The following TP63 variants were observed in gnomAD, a reference collection of about 807,000 sequenced individuals.
The protein encoded by TP63 is tumor protein 63.
In TP63, 17 loss-of-function variants were observed where a neutral mutation model predicts 82.8. The observed-to-expected ratio is 0.21, with a 90% confidence interval of 0.14 to 0.31. The LOEUF is 0.31. Ranked by LOEUF, TP63 falls within the 10% of genes least tolerant of loss-of-function variation. The probability of loss-of-function intolerance (pLI) is 1.00; values close to 1 mark genes in which losing one functional copy is unlikely to be tolerated. For missense variants in TP63, 648 were observed against 895.3 expected (o/e 0.72, Z 3.52); for synonymous variants, 330 against 321.7 (o/e 1.03, Z -0.28).
intron 4 of TP63, among the ~76,000 whole-genome samples, chr3:189,834,893 T>TTC (rs1245954117): frequency 6.6e-6 from 1 of 151,726 alleles, no homozygotes; most frequent in African/African-American, 2.4e-5. Context: ...TTTTCCTTTT[T>TTC]TTTTTTTTGT....
rs1727135900 is a variant in TP63 at position 189,808,257 on chromosome 3, TG to T, written c.325-12del. On this transcript the variant is annotated splice_polypyrimidine_tract_variant and intron_variant, in intron 3 of 13. Transcript: ENST00000264731. Reference sequence around the variant, plus strand: ...CTTCAGCGGCTAATATTGGGGTTTCTGGGTGTCCTTGCAGCCACAGTACACG... The same window carrying T: ...CTTCAGCGGCTAATATTGGGGTTTCTGGTGTCCTTGCAGCCACAGTACACG... 3 of 1,614,130 alleles carry T rather than the reference TG, an allele frequency of 1.9e-6. No homozygotes were observed. The highest frequency in any genetic ancestry group is 3.3e-5 in the Admixed American group (2 of 60,014).
At chr3:189,772,115 C>T (rs1037710926) in intron 3 of TP63, among the ~76,000 whole-genome samples, 2 of 152,142 alleles carry the variant, frequency 1.3e-5, no homozygotes, top group Non-Finnish European at 2.9e-5. Flanking sequence ...TGCTAATTTG[C>T]TTCTTGTCCC....
chr3:189,699,358 A>G (rs2108736615), intron 1 of TP63, among the ~76,000 whole-genome samples: 1 of 152,312 alleles, frequency 6.6e-6, no homozygotes, highest in African/African-American at 2.4e-5. Flanking sequence ...ACATTCTACA[A>G]GCTAGCATGA....
chr3:189,874,797 A>G (rs1463031404), intron 10 of TP63, among the ~76,000 whole-genome samples: 1 of 152,170 alleles, frequency 6.6e-6, no homozygotes, highest in Non-Finnish European at 1.5e-5. Context: ...AGAGACCTGT[A>G]ACATCATTTA....
intron 1 of TP63, among the ~76,000 whole-genome samples, chr3:189,691,338 C>CAAAAAAAAA (rs781098833): frequency 6.0e-5 from 4 of 67,104 alleles, no homozygotes; most frequent in African/African-American, 1.1e-4. Flanking sequence ...GACTCCATCT[C>CAAAAAAAAA]AAAAAAAAAA....
intron 13 of TP63, among the ~76,000 whole-genome samples, chr3:189,892,568 G>A (rs532115978): frequency 7.2e-5 from 11 of 152,142 alleles, no homozygotes; most frequent in East Asian, 5.8e-4. Flanking sequence ...CGAGGCAGGC[G>A]GATCACGAGG....
chr3:189,742,702 A>G (rs907627088), intron 3 of TP63, among the ~76,000 whole-genome samples: 1 of 152,238 alleles, frequency 6.6e-6, no homozygotes, highest in African/African-American at 2.4e-5. Flanking sequence ...AGCCATAACA[A>G]TTTTGCACCT....
chr3:189,876,893 A>T lies in TP63; in HGVS notation c.1349+3898A>T, dbSNP rs574187007. Among the ~76,000 whole-genome samples, 3 of 152,344 alleles carry T rather than the reference A, an allele frequency of 2.0e-5. No individual in the cohort carries two copies. The East Asian group carries it at 5.8e-4, about 29-fold the overall frequency. On this transcript the variant is annotated intron_variant, in intron 10 of 13. Coordinates refer to ENST00000264731, the MANE Select transcript of TP63 (RefSeq NM_003722.5). ...AGCCTGTGATTTTCTTTCCAAAAAG[A>T]TAGTACCAATTTTATGCTGGTAAGG...
rs1717499716 is a variant in TP63 at position 189,697,731 on chromosome 3, A to G, written c.63-40009A>G. Among the ~76,000 whole-genome samples the G allele has an allele frequency of 3.3e-5, 5 of 151,866 alleles. No homozygotes were observed. The South Asian group carries it at 8.3e-4, about 25-fold the overall frequency. ...TTTAGATCTTGCTTGAATTTTTGTC[A>G]GTTTTATACTTTTCTGCATATAGAT... is the stretch of plus-strand genomic sequence containing the variant. On this transcript the variant is annotated intron_variant, in intron 1 of 13. Transcript: ENST00000264731.
chr3:189,629,348 C>T (rs993262549), upstream of TP63, among the ~76,000 whole-genome samples: 1 of 152,126 alleles, frequency 6.6e-6, no homozygotes, highest in Non-Finnish European at 1.5e-5. Flanking sequence ...CGCGCTGCTA[C>T]ACTCAGTCTG....
the TP63 span, among the ~76,000 whole-genome samples, chr3:189,617,784 C>A: frequency 6.6e-6 from 1 of 152,190 alleles, no homozygotes; most frequent in Non-Finnish European, 1.5e-5. Flanking sequence ...GGCCAGGACA[C>A]AATGTGGGCA....
In TP63 at chr3:189,855,216, G is replaced by A. The variant is rs576519473; in HGVS notation, c.580-9016G>A. Among the ~76,000 whole-genome samples the A allele has an allele frequency of 3.3e-5, 5 of 152,190 alleles. No homozygotes were observed. In the East Asian group the frequency reaches 9.7e-4, roughly 29 times the overall value. Reference sequence around the variant, plus strand: ...ACAATTGAAGAACAAAATGTATTGAGGTCAAGCATGAAAGTTAAAAGGACC... The same window carrying A: ...ACAATTGAAGAACAAAATGTATTGAAGTCAAGCATGAAAGTTAAAAGGACC... On this transcript the variant is annotated intron_variant, in intron 4 of 13. Transcript: ENST00000264731.
intron 3 of TP63, among the ~76,000 whole-genome samples, chr3:189,790,353 T>A (rs1725008174): frequency 6.6e-6 from 1 of 152,082 alleles, no homozygotes; most frequent in Non-Finnish European, 1.5e-5. Context: ...GAGACCCACC[T>A]AAATCCAGAA....
At chr3:189,597,553 A>C in the TP63 span, among the ~76,000 whole-genome samples, 1 of 152,246 alleles carries the variant, frequency 6.6e-6, no homozygotes, top group Non-Finnish European at 1.5e-5. Flanking sequence ...TCAAATGATC[A>C]AAACCTTAGA....
intron 3 of TP63, among the ~76,000 whole-genome samples, chr3:189,751,616 T>G (rs1365963674): frequency 6.6e-6 from 1 of 152,228 alleles, no homozygotes. Flanking sequence ...CATAAATGTC[T>G]TCTTTTGAGA....
intron 1 of TP63, among the ~76,000 whole-genome samples, chr3:189,732,301 C>T (rs1411408362): frequency 6.6e-6 from 1 of 152,124 alleles, no homozygotes; most frequent in Non-Finnish European, 1.5e-5. Flanking sequence ...CCCCTTGAAG[C>T]CCTGAGAGGA....
At chr3:189,642,455 G>A (rs1344831845) in intron 1 of TP63, among the ~76,000 whole-genome samples, 8 of 151,952 alleles carry the variant, frequency 5.3e-5, no homozygotes, top group East Asian at 1.9e-4. Context: ...ATAGTATAAC[G>A]TTTAAGAGAC....
chr3:189,650,242 G>A (rs562772371), intron 1 of TP63, among the ~76,000 whole-genome samples: 9 of 147,104 alleles, frequency 6.1e-5, no homozygotes, highest in East Asian at 2.4e-4. Context: ...TGATATGTCC[G>A]CAAAAGATCA....
the TP63 span, among the ~76,000 whole-genome samples, chr3:189,606,460 C>G: frequency 8.5e-4 from 129 of 151,170 alleles, no homozygotes; most frequent in Non-Finnish European, 1.3e-3. Context: ...AATGCATGGC[C>G]CATAAAATAG....
Sources: gnomAD v4.1 joint callset for allele counts (sites outside exome capture counted in the v4.1 genomes callset) on GRCh38, gnomAD v4.1.1 for gene constraint, MANE v1.5 for transcripts, NCBI Gene and HGNC (gene_info 2026-07-23, HGNC 2026-07-21) for gene names.